SH3PXD2B: variants seen among roughly 807,000 people sequenced by gnomAD.
SH3PXD2B encodes SH3 and PX domain-containing protein 2B.
In SH3PXD2B, 37 loss-of-function variants were observed where a neutral mutation model predicts 73.1. That is an observed-to-expected ratio of 0.51 (90% CI 0.39 to 0.67). SH3PXD2B has a LOEUF of 0.67. Ranked by LOEUF, SH3PXD2B falls within the 30% of genes least tolerant of loss-of-function variation. The pLI, the probability that SH3PXD2B is intolerant of heterozygous loss-of-function variation, is 0.00. For synonymous variants in SH3PXD2B, 457 were observed against 480.5 expected (o/e 0.95, Z 0.64); for missense variants, 1,053 against 1,197.8 (o/e 0.88, Z 1.78).
At chr5:172,385,354 C>T (rs951360696) in intron 4 of SH3PXD2B, among the ~76,000 whole-genome samples, 1 of 152,124 alleles carries the variant, frequency 6.6e-6, no homozygotes, top group African/African-American at 2.4e-5. Context: ...TCATCTGTGT[C>T]ACTTTATGTA....
downstream of SH3PXD2B, among the ~76,000 whole-genome samples, chr5:172,329,084 T>TATA (rs1554133356): frequency 3.7e-5 from 2 of 53,358 alleles, no homozygotes; most frequent in Admixed American, 1.8e-4. Flanking sequence ...TATATATATA[T>TATA]TTTTTTTTTT....
intron 6 of SH3PXD2B, among the ~76,000 whole-genome samples, chr5:172,368,554 T>A (rs866380570): frequency 3.2e-3 from 42 of 13,332 alleles, no homozygotes; most frequent in Admixed American, 5.0e-3. Context: ...TATATATATA[T>A]TATATATATA....
chr5:172,364,594 G>A (rs1001671585), intron 6 of SH3PXD2B, among the ~76,000 whole-genome samples: 1 of 152,174 alleles, frequency 6.6e-6, no homozygotes, highest in Admixed American at 6.5e-5. Flanking sequence ...GAACCCGGGA[G>A]GCAGAGGTTG....
intron 1 of SH3PXD2B, among the ~76,000 whole-genome samples, chr5:172,437,361 G>A (rs940100378): frequency 6.6e-6 from 1 of 152,200 alleles, no homozygotes; most frequent in Non-Finnish European, 1.5e-5. Context: ...TGGAACTGCA[G>A]CACCCAAAGT....
chr5:172,339,958 G>A lies in SH3PXD2B; in HGVS notation c.1189-42C>T. 1 of 1,612,230 alleles carries A rather than the reference G, an allele frequency of 6.2e-7. No individual in the cohort carries two copies. ...AGAAAGGCACTTGGCTACGATGCCA[G>A]GGCCAGCAGATGGAATGGTTTGGCA... On this transcript the variant is annotated intron_variant, in intron 12 of 12. Coordinates refer to ENST00000311601, the MANE Select transcript of SH3PXD2B (RefSeq NM_001017995.3). The surrounding 1 kb of genome is among the most constrained non-coding windows in gnomAD (Gnocchi z 6.1).
At chr5:172,389,109 G>A (rs1299731715) in intron 4 of SH3PXD2B, among the ~76,000 whole-genome samples, 1 of 147,756 alleles carries the variant, frequency 6.8e-6, no homozygotes, top group African/African-American at 2.5e-5. Flanking sequence ...AGGCTGGAGT[G>A]TAATGGCATG....
Position 172,336,614 on chromosome 5 carries a change from C to A in SH3PXD2B, c.*1755G>T. On this transcript the variant is annotated 3_prime_UTR_variant, in exon 13 of 13. Coordinates refer to ENST00000311601, the MANE Select transcript of SH3PXD2B (RefSeq NM_001017995.3). ...ACTGCAGGTAGACACTGAGCATCCC[C>A]CCAAAAAACTGGCTTTGTGGGTCCA... 2 of 985,826 alleles carry A rather than the reference C, an allele frequency of 2.0e-6. No homozygotes were observed. The highest frequency in any genetic ancestry group is 2.4e-6 in the Non-Finnish European group (2 of 829,972). The allele number at this position is 985,826 out of a possible 1,614,324, so 61.1% of individuals were successfully genotyped here. A position where few individuals can be genotyped will look rare whatever the true frequency, so the allele number is the denominator to read the frequency against.
chr5:172,452,807 G>A (rs1239627352), intron 1 of SH3PXD2B, among the ~76,000 whole-genome samples: 1 of 150,986 alleles, frequency 6.6e-6, no homozygotes, highest in Admixed American at 6.6e-5. Flanking sequence ...GCTCAAACAA[G>A]AAACTAAGAT....
At chr5:172,356,066 C>T (rs1055542803) in intron 8 of SH3PXD2B, among the ~76,000 whole-genome samples, 5 of 152,104 alleles carry the variant, frequency 3.3e-5, no homozygotes, top group Non-Finnish European at 7.4e-5. Flanking sequence ...AGGTGTCGGA[C>T]CCTGGCCTGG....
chr5:172,399,395 T>C (rs1758379726), intron 3 of SH3PXD2B, among the ~76,000 whole-genome samples: 1 of 152,206 alleles, frequency 6.6e-6, no homozygotes, highest in Non-Finnish European at 1.5e-5. Context: ...AAATACTGCC[T>C]TACAGGATTT....
At chr5:172,428,161 T>A (rs1049086516) in intron 1 of SH3PXD2B, among the ~76,000 whole-genome samples, 1 of 152,226 alleles carries the variant, frequency 6.6e-6, no homozygotes, top group Non-Finnish European at 1.5e-5. Context: ...ACTTTCTCCA[T>A]GGCACAGCCT....
At chr5:172,429,228 A>G (rs1759173054) in intron 1 of SH3PXD2B, among the ~76,000 whole-genome samples, 1 of 152,186 alleles carries the variant, frequency 6.6e-6, no homozygotes, top group South Asian at 2.1e-4. Flanking sequence ...GTCTGTAGAA[A>G]GGGACCCTGG....
Position 172,394,632 on chromosome 5 carries a change from A to G in SH3PXD2B, c.240T>C (p.Ile80=). 6 of 1,614,040 alleles carry G rather than the reference A, an allele frequency of 3.7e-6. No homozygotes were observed. The highest frequency in any genetic ancestry group is 4.2e-6 in the Non-Finnish European group (5 of 1,179,968). ...CCCGGATGTGGCTTCGTCTGAAGAG[A>G]ATCTTACCTGCAGAAGATGAGAGCA... is the stretch of plus-strand genomic sequence containing the variant. The part of the protein sequence containing the change: ...QRIIPFLPGK[I]LFRRSHIRDV... The change falls in exon 4 of 13, where the codon ATT becomes ATC. Residue 80 remains isoleucine, a synonymous_variant. Coordinates refer to ENST00000311601, the MANE Select transcript of SH3PXD2B (RefSeq NM_001017995.3).
Position 172,334,861 on chromosome 5 carries a change from G to A in SH3PXD2B, c.*3508C>T. The A allele has an allele frequency of 7.1e-6, 7 of 985,444 alleles. No individual in the cohort carries two copies. Among genetic ancestry groups the A allele is most frequent in the Non-Finnish European group, 8.4e-6 (7 of 829,944 alleles). The allele number at this position is 985,444 out of a possible 1,614,324, so 61.0% of individuals were successfully genotyped here. On this transcript the variant is annotated 3_prime_UTR_variant, in exon 13 of 13. Coordinates refer to ENST00000311601, the MANE Select transcript of SH3PXD2B (RefSeq NM_001017995.3). The stretch of plus-strand genomic sequence containing the variant: ...GTTCCCCCATCTTCCACCTGGTAAT[G>A]AAATCCTCAGTGGGCGCAAACATTT...
At chr5:172,407,692 T>G (rs1758593715) in intron 2 of SH3PXD2B, among the ~76,000 whole-genome samples, 1 of 152,136 alleles carries the variant, frequency 6.6e-6, no homozygotes, top group South Asian at 2.1e-4. Flanking sequence ...AAAGAAACTT[T>G]GAAAAGTCCA....
At chr5:172,352,896 T>C (rs1032722948) in intron 9 of SH3PXD2B, among the ~76,000 whole-genome samples, 1 of 152,092 alleles carries the variant, frequency 6.6e-6, no homozygotes, top group Non-Finnish European at 1.5e-5. Context: ...TAATACACTA[T>C]TACTATCATT....
intron 12 of SH3PXD2B, among the ~76,000 whole-genome samples, chr5:172,342,400 C>T: frequency 6.6e-6 from 1 of 152,144 alleles, no homozygotes; most frequent in Admixed American, 6.5e-5. Flanking sequence ...TGTAGAAGGG[C>T]CGTCGATCGG....
At chr5:172,348,662 T>TCTATC (rs1561896674) in intron 10 of SH3PXD2B, among the ~76,000 whole-genome samples, 17 of 30,528 alleles carry the variant, frequency 5.6e-4, no homozygotes, top group African/African-American at 1.4e-3. Context: ...ATCCTATCTA[T>TCTATC]CTATCTATCT....
In SH3PXD2B at chr5:172,333,582, G is replaced by A; in HGVS notation, c.*4787C>T. The stretch of plus-strand genomic sequence containing the variant: ...AAGAAGTCAAATGGTAAAGTATATA[G>A]CCTACACATGCTACAGCTAGTTGTT... On this transcript the variant is annotated 3_prime_UTR_variant, in exon 13 of 13. Coordinates refer to ENST00000311601, the MANE Select transcript of SH3PXD2B (RefSeq NM_001017995.3). 8.0e-7 allele frequency: 1 copy of A among 1,255,162 alleles called. No homozygotes were observed. Among genetic ancestry groups the A allele is most frequent in the East Asian group, 5.7e-5 (1 of 17,522 alleles). The allele number at this position is 1,255,162 out of a possible 1,614,324, so 77.8% of individuals were successfully genotyped here.
Sources: allele counts gnomAD v4.1 joint callset (sites outside exome capture counted in the v4.1 genomes callset), GRCh38; gene constraint gnomAD v4.1.1; non-coding constraint Gnocchi (gnomAD v3.1); transcripts MANE v1.5; gene names NCBI Gene and HGNC (gene_info 2026-07-23, HGNC 2026-07-21).